The following MREG variants were observed in gnomAD, a reference collection of about 807,000 sequenced individuals.
MREG encodes the protein melanoregulin.
In MREG, 31 loss-of-function variants were observed where a neutral mutation model predicts 28.5. The observed-to-expected ratio is 1.09, with a 90% confidence interval of 0.82 to 1.47. MREG has a LOEUF of 1.47. Ranked by LOEUF, MREG falls within the 40% of genes most tolerant of loss-of-function variation. The probability of loss-of-function intolerance (pLI) is 0.00; values close to 1 mark genes in which losing one functional copy is unlikely to be tolerated. For missense variants in MREG, 256 were observed against 257.4 expected, an observed-to-expected ratio of 0.99 and a Z score of 0.04; for synonymous variants, 106 against 95.2, an observed-to-expected ratio of 1.11 and a Z score of -0.66.
Position 216,013,282 on chromosome 2 carries a change from AC to A in MREG, c.45del (p.Cys16AlafsTer30). The A allele has an allele frequency of 6.5e-7, 1 of 1,548,920 alleles. No homozygotes were observed. ...DWLRTVCCCCGCECLEERALP... is the reference protein window; with the variant it reads ...DWLRTVCCCCXCECLEERALP... Reference sequence around the variant, plus strand: ...AGGGCGCGCTCCTCCAAGCACTCGCACCCGCAGCAGCAGCACACGGTTCTCA... The same window carrying A: ...AGGGCGCGCTCCTCCAAGCACTCGCACCGCAGCAGCAGCACACGGTTCTCA... On this transcript the variant is annotated frameshift_variant, in exon 1 of 5. Transcript: ENST00000263268. LOFTEE classifies it high-confidence loss of function.
At chr2:216,021,045 A>G (rs753780774) in intron 1 of MREG, among the ~76,000 whole-genome samples, 2 of 152,210 alleles carry the variant, frequency 1.3e-5, no homozygotes, top group Non-Finnish European at 2.9e-5. Context: ...TAGAATCCCT[A>G]GGGATGCTTA....
chr2:216,003,141 G>T (rs1559194870), intron 1 of MREG, among the ~76,000 whole-genome samples: 1 of 151,386 alleles, frequency 6.6e-6, no homozygotes, highest in South Asian at 2.1e-4. Flanking sequence ...AAGCTGGGGT[G>T]TCGGGGGGCG....
At chr2:216,002,076 A>G (rs1694028227) in intron 1 of MREG, among the ~76,000 whole-genome samples, 1 of 152,262 alleles carries the variant, frequency 6.6e-6, no homozygotes, top group South Asian at 2.1e-4. Context: ...AAAGAAAGTG[A>G]GAGTGGTTGT....
At chr2:215,997,681 C>CAT (rs979669608) in intron 1 of MREG, among the ~76,000 whole-genome samples, 1 of 152,142 alleles carries the variant, frequency 6.6e-6, no homozygotes, top group African/African-American at 2.4e-5. Context: ...GCCATGAGAA[C>CAT]ATATGCAAGC....
chr2:215,992,374 C>G (rs1414693332), intron 2 of MREG, among the ~76,000 whole-genome samples: 1 of 152,162 alleles, frequency 6.6e-6, no homozygotes. Context: ...TCTCAATAAA[C>G]TAGGTATTGA....
At chr2:215,972,549 G>C (rs1393991139) in intron 2 of MREG, among the ~76,000 whole-genome samples, 1 of 150,898 alleles carries the variant, frequency 6.6e-6, no homozygotes, top group Non-Finnish European at 1.5e-5. Flanking sequence ...AGTCTGAGGC[G>C]AGGTTGCGGT....
intron 1 of MREG, among the ~76,000 whole-genome samples, chr2:216,029,932 T>C (rs1479170199): frequency 6.6e-6 from 1 of 152,252 alleles, no homozygotes; most frequent in East Asian, 1.9e-4. Context: ...GTATCTCTTA[T>C]GGCCTGTGGT....
intron 2 of MREG, among the ~76,000 whole-genome samples, chr2:215,961,430 TTTTTG>T (rs940161731): frequency 1.3e-5 from 2 of 151,954 alleles, no homozygotes; most frequent in Non-Finnish European, 2.9e-5. Context: ...CCCCCCGCCT[TTTTTG>T]TTTTTTTTGA....
At chr2:215,995,544 A>AT (rs150895763) in intron 2 of MREG, among the ~76,000 whole-genome samples, 73 of 140,272 alleles carry the variant, frequency 5.2e-4, no homozygotes, top group Non-Finnish European at 9.1e-4. Context: ...AAACCCAACT[A>AT]TAAGTTTCCC....
intron 4 of MREG, 104 bp downstream of exon 4, chr2:215,945,467 T>C: frequency 7.3e-7 from 1 of 1,368,026 alleles, no homozygotes; most frequent in East Asian, 2.3e-5. Flanking sequence ...CCACCTCATA[T>C]GTGATAGTGA....
intron 2 of MREG, among the ~76,000 whole-genome samples, chr2:215,969,665 A>C (rs1228806594): frequency 6.6e-6 from 1 of 152,230 alleles, no homozygotes; most frequent in Non-Finnish European, 1.5e-5. Context: ...GGGAGACAGT[A>C]TGTCCACCTC....
At position 215,943,166 on chromosome 2, in the gene MREG, C is replaced by T; in HGVS notation, c.*1697G>A. 1 of 254,908 alleles carries T rather than the reference C, an allele frequency of 3.9e-6. No individual in the cohort carries two copies. Among genetic ancestry groups the T allele is most frequent in the South Asian group, 4.3e-5 (1 of 23,012 alleles). The allele number at this position is 254,908 out of a possible 1,614,324, so 15.8% of individuals were successfully genotyped here. On this transcript the variant is annotated 3_prime_UTR_variant, in exon 5 of 5. Coordinates refer to ENST00000263268, the MANE Select transcript of MREG (RefSeq NM_018000.3). Reference sequence around the variant, plus strand: ...TAACCTGAATTCAGAAGTGCAAAATCTGTAAAAATAAAAATATTTCCATTT... The same window carrying T: ...TAACCTGAATTCAGAAGTGCAAAATTTGTAAAAATAAAAATATTTCCATTT...
chr2:215,965,874 T>C (rs568664614), intron 2 of MREG, among the ~76,000 whole-genome samples: 1 of 152,188 alleles, frequency 6.6e-6, no homozygotes, highest in Non-Finnish European at 1.5e-5. Context: ...ATCTAATTTC[T>C]CATCAATTGC....
chr2:215,979,815 C>T (rs1283247679), intron 2 of MREG, among the ~76,000 whole-genome samples: 1 of 151,904 alleles, frequency 6.6e-6, no homozygotes, highest in East Asian at 1.9e-4. Flanking sequence ...AAAGTCAATA[C>T]TGAGTAGGTC....
At chr2:216,015,147 G>A (rs1047509717), upstream of MREG, among the ~76,000 whole-genome samples, 14 of 151,988 alleles carry the variant, frequency 9.2e-5, no homozygotes, top group African/African-American at 3.1e-4. Context: ...GCGTCTGTGC[G>A]TGCGTACGTG....
chr2:216,012,148 T>C (rs1397837925), intron 1 of MREG, among the ~76,000 whole-genome samples: 1 of 152,184 alleles, frequency 6.6e-6, no homozygotes, highest in African/African-American at 2.4e-5. Context: ...CAAAGAAGAT[T>C]GCTTGAGAAG....
intron 1 of MREG, among the ~76,000 whole-genome samples, chr2:215,999,515 G>A (rs546452808): frequency 6.6e-6 from 1 of 152,320 alleles, no homozygotes; most frequent in South Asian, 2.1e-4. Context: ...CACAACCAGA[G>A]CAGCTTCTCC....
chr2:215,945,678 C>T lies in MREG; in HGVS notation c.403G>A (p.Asp135Asn), dbSNP rs757144666. ...LSVTKLSTISDSKNTRKAREM... is the reference protein window; with the variant it reads ...LSVTKLSTISNSKNTRKAREM... Reference sequence around the variant, plus strand: ...CGAGCTTTCCTTGTGTTTTTAGAATCACTGATGGTGCTGAGTTTAGTCACT... The same window carrying T: ...CGAGCTTTCCTTGTGTTTTTAGAATTACTGATGGTGCTGAGTTTAGTCACT... Residue 135 changes from aspartate to asparagine, a missense_variant, in exon 4 of 5, where the codon GAT (aspartate) becomes AAT (asparagine). Physicochemically the swap from Asp to Asn is conservative, Grantham distance 23 (BLOSUM62 1). Coordinates refer to ENST00000263268, the MANE Select transcript of MREG (RefSeq NM_018000.3). 3 of 1,613,936 alleles carry T rather than the reference C, an allele frequency of 1.9e-6. 1 individual carries two copies. The highest frequency in any genetic ancestry group is 2.5e-6 in the Non-Finnish European group (3 of 1,179,866).
chr2:215,973,381 G>A (rs1693156420), intron 2 of MREG, among the ~76,000 whole-genome samples: 1 of 152,142 alleles, frequency 6.6e-6, no homozygotes. Context: ...AGCATAAGAT[G>A]ACAAAGAGCA....
Sources: gnomAD v4.1 joint callset for allele counts (sites outside exome capture counted in the v4.1 genomes callset) on GRCh38, gnomAD v4.1.1 for gene constraint, MANE v1.5 for transcripts, NCBI Gene and HGNC (gene_info 2026-07-23, HGNC 2026-07-21) for gene names.